Variants in KCNC4 observed in about 807,000 individuals in gnomAD.
KCNC4 encodes potassium voltage-gated channel subfamily C member 4, also known as voltage-gated potassium channel KCNC4.
In KCNC4, 23 loss-of-function variants were observed where a neutral mutation model predicts 42.8. The ratio of observed to expected loss-of-function variants is 0.54; its 90% CI spans 0.39 to 0.76. KCNC4 has a LOEUF of 0.76. KCNC4 is among the 30% of genes least tolerant of loss of function. KCNC4 has a pLI of 0.00. For synonymous variants in KCNC4, 422 were observed against 393.5 expected, an observed-to-expected ratio of 1.07 and a Z score of -0.86; for missense variants, 751 against 898.2, an observed-to-expected ratio of 0.84 and a Z score of 2.10.
chr1:110,260,908 T>C (rs1389893056), intron 1 of KCNC4, among the ~76,000 whole-genome samples: 1 of 152,234 alleles, frequency 6.6e-6, no homozygotes, highest in Non-Finnish European at 1.5e-5. Flanking sequence ...CCAGCCTGGG[T>C]GACGCAGCGA....
chr1:110,218,206 C>T (rs137971736), intron 1 of KCNC4, among the ~76,000 whole-genome samples: 1 of 152,158 alleles, frequency 6.6e-6, no homozygotes, highest in East Asian at 1.9e-4. Flanking sequence ...GTGCCAGATT[C>T]CTGGAATGCT....
At chr1:110,232,723 C>T (rs1658758933) in intron 3 of KCNC4, 188 bp from the exon 4 acceptor site, 2 of 1,512,118 alleles carry the variant, frequency 1.3e-6, no homozygotes, top group Non-Finnish European at 1.8e-6. Flanking sequence ...TTCCTCATGC[C>T]TTCCAGCTCT....
rs1428212569 is a variant in KCNC4, at chr1:110,223,641, A to G, written c.1356A>G (p.Val452=). 6.2e-7 allele frequency: 1 copy of G among 1,614,090 alleles called. No individual in the cohort carries two copies. The highest frequency in any genetic ancestry group is 8.5e-7 in the Non-Finnish European group (1 of 1,180,020). ...CCAAGACGTGGTCAGGCATGCTGGT[A>G]GGGGCACTGTGTGCACTGGCTGGCG... The part of the protein sequence containing the change: ...MYPKTWSGML[V]GALCALAGVL... The change falls in exon 2 of 4, where the codon GTA becomes GTG. Residue 452 remains valine, a synonymous_variant. Transcript: ENST00000438661. The surrounding 1 kb of genome is among the most constrained non-coding windows in gnomAD (Gnocchi z 7.5).
rs868564208 is a variant in KCNC4 at position 110,261,760 on chromosome 1, C to G, written n.31-20774C>G. ...TAAAAAGAAGGTCTGTAAAATATAACAGAATTCTTATAACACTTTGAAATG... is the reference window on the plus strand; with the variant it reads ...TAAAAAGAAGGTCTGTAAAATATAAGAGAATTCTTATAACACTTTGAAATG... On this transcript the variant is annotated intron_variant and non_coding_transcript_variant, in intron 1 of 2. Transcript: ENST00000412512. Among the ~76,000 whole-genome samples, 15 of 152,294 alleles carry G rather than the reference C, an allele frequency of 9.8e-5. No individual in the cohort carries two copies. The South Asian group carries it at 1.7e-3, about 17-fold the overall frequency.
intron 1 of KCNC4, among the ~76,000 whole-genome samples, chr1:110,218,841 G>A (rs1281210254): frequency 6.6e-6 from 1 of 152,172 alleles, no homozygotes; most frequent in African/African-American, 2.4e-5. Flanking sequence ...GGCCTTTGGA[G>A]AGGGGTGAGT....
downstream of KCNC4, among the ~76,000 whole-genome samples, chr1:110,250,263 A>C (rs1455008649): frequency 6.6e-6 from 1 of 152,064 alleles, no homozygotes; most frequent in Non-Finnish European, 1.5e-5. Flanking sequence ...GACCCCTGGA[A>C]GGGGTCTCTC....
At chr1:110,269,519 T>C (rs1659604310) in intron 1 of KCNC4, among the ~76,000 whole-genome samples, 1 of 152,228 alleles carries the variant, frequency 6.6e-6, no homozygotes, top group Non-Finnish European at 1.5e-5. Flanking sequence ...TTCTGAAGTA[T>C]GGATGTACCA....
chr1:110,233,304 T>A lies in KCNC4; in HGVS notation c.*332T>A. 1 of 398,732 alleles carries A rather than the reference T, an allele frequency of 2.5e-6. No individual in the cohort carries two copies. Among genetic ancestry groups the A allele is most frequent in the Admixed American group, 4.1e-5 (1 of 24,150 alleles). The allele number at this position is 398,732 out of a possible 1,614,324, so 24.7% of individuals were successfully genotyped here. A position where few individuals can be genotyped will look rare whatever the true frequency, so the allele number is the denominator to read the frequency against. On this transcript the variant is annotated 3_prime_UTR_variant, in exon 4 of 4. Transcript: ENST00000438661. ...CCCTTGCCCCACCCAGAGTTTCCCG[T>A]CCCCTTCACTGATTTCTGTTGTTTC...
chr1:110,262,153 A>G (rs1659467207), intron 1 of KCNC4, among the ~76,000 whole-genome samples: 1 of 152,240 alleles, frequency 6.6e-6, no homozygotes, highest in Non-Finnish European at 1.5e-5. Flanking sequence ...TATTAGAACT[A>G]TAAAGATATA....
downstream of KCNC4, among the ~76,000 whole-genome samples, chr1:110,249,570 A>G (rs1478531433): frequency 6.6e-6 from 1 of 152,130 alleles, no homozygotes; most frequent in Non-Finnish European, 1.5e-5. Flanking sequence ...ACACTGATTA[A>G]TCAATCCCCC....
In KCNC4 at chr1:110,211,221, G is replaced by T; in HGVS notation, c.-279G>T. 2.1e-6 allele frequency: 1 copy of T among 475,824 alleles called. No individual in the cohort carries two copies. Among genetic ancestry groups the T allele is most frequent in the Non-Finnish European group, 3.8e-6 (1 of 265,466 alleles). 29.5% of individuals were successfully genotyped at this position (475,824 alleles called of 1,614,324 possible). On this transcript the variant is annotated 5_prime_UTR_variant, in exon 1 of 4. Transcript: ENST00000438661. This position sits in a 1 kb window ranked among gnomAD's most constrained non-coding sequence, Gnocchi z 6.5. ...GTCCCGTCGTAGCGGGGGACCGCGT[G>T]TGTGCTTGCTTCTACTTCCCCGGGT... is the stretch of plus-strand genomic sequence containing the variant.
chr1:110,211,562 C>G lies in KCNC4; in HGVS notation c.63C>G (p.Ser21=), dbSNP rs777960075. ...GCAAGTCGGGGAACAAGCCTCCGTCCAAAACATGTCTGAAGGAGGAGATGG... is the reference window on the plus strand; with the variant it reads ...GCAAGTCGGGGAACAAGCCTCCGTCGAAAACATGTCTGAAGGAGGAGATGG... The part of the protein sequence containing the change: ...RGRKSGNKPP[S]KTCLKEEMAK... The change falls in exon 1 of 4, where the codon TCC becomes TCG. Residue 21 remains serine, a synonymous_variant. Coordinates refer to ENST00000438661, the MANE Select transcript of KCNC4 (RefSeq NM_001039574.3). This position sits in a 1 kb window ranked among gnomAD's most constrained non-coding sequence, Gnocchi z 6.5. 7.4e-6 allele frequency: 12 copies of G among 1,614,112 alleles called. No individual in the cohort carries two copies. In the South Asian group the frequency reaches 1.3e-4, roughly 18 times the overall value.
intron 1 of KCNC4, among the ~76,000 whole-genome samples, chr1:110,265,869 C>T (rs574862161): frequency 3.3e-5 from 5 of 152,312 alleles, no homozygotes; most frequent in African/African-American, 9.6e-5. Flanking sequence ...GTTGCACCTA[C>T]CTTCCTACCT....
At chr1:110,279,918 C>T (rs1001039344) in intron 1 of KCNC4, among the ~76,000 whole-genome samples, 4 of 150,936 alleles carry the variant, frequency 2.7e-5, no homozygotes, top group African/African-American at 9.8e-5. Context: ...CCTGCCTCAG[C>T]CTCCCCGAGT....
At chr1:110,253,070 C>T (rs1659272309), downstream of KCNC4, among the ~76,000 whole-genome samples, 1 of 152,150 alleles carries the variant, frequency 6.6e-6, no homozygotes, top group Admixed American at 6.5e-5. Context: ...AACACTCTTC[C>T]CCAGCCCCAT....
chr1:110,239,254 A>C (rs1450540732), exon 4 of KCNC4: 1 of 152,286 alleles, frequency 6.6e-6, no homozygotes, highest in East Asian at 1.9e-4. Flanking sequence ...CCAGCAGCTC[A>C]CTTTCCTGTC....
At chr1:110,213,544 C>A (rs1036748078) in intron 1 of KCNC4, among the ~76,000 whole-genome samples, 34 of 152,192 alleles carry the variant, frequency 2.2e-4, no homozygotes, top group Admixed American at 3.3e-4. Context: ...GCATCTTCTG[C>A]CTGGAAGAGA....
chr1:110,246,138 T>C (rs1659140691), exon 4 of KCNC4: 3 of 152,248 alleles, frequency 2.0e-5, no homozygotes. Context: ...TCTGACCTCA[T>C]GTTAACCCGA....
intron 3 of KCNC4, among the ~76,000 whole-genome samples, chr1:110,232,068 T>A (rs1334468283): frequency 6.6e-6 from 1 of 152,088 alleles, no homozygotes; most frequent in African/African-American, 2.4e-5. Flanking sequence ...GCAGTACTCC[T>A]ACCTGCCCTA....
Sources: allele counts gnomAD v4.1 joint callset (sites outside exome capture counted in the v4.1 genomes callset), GRCh38; gene constraint gnomAD v4.1.1; non-coding constraint Gnocchi (gnomAD v3.1); transcripts MANE v1.5; gene names NCBI Gene and HGNC (gene_info 2026-07-23, HGNC 2026-07-21).